The following DMD variants were observed in gnomAD, a reference collection of about 807,000 sequenced individuals.
The protein encoded by DMD is dystrophin.
In DMD, 63 loss-of-function variants were observed where a neutral mutation model predicts 330.1. The observed-to-expected ratio is 0.19, with a 90% confidence interval of 0.16 to 0.24. DMD has a LOEUF of 0.24. Ranked by LOEUF, DMD falls within the 10% of genes least tolerant of loss-of-function variation. The pLI is 1.00. For missense variants in DMD, 3,344 were observed against 2,684.1 expected (o/e 1.25, Z -5.43); for synonymous variants, 1,223 against 959.8 (o/e 1.27, Z -5.07).
intron 48 of DMD, among the ~76,000 whole-genome samples, chrX:31,874,832 C>G (rs1234060127): frequency 2.7e-5 from 3 of 111,101 alleles, no homozygotes; most frequent in Non-Finnish European, 5.7e-5. Flanking sequence ...TAAGATAACC[C>G]TGGCCTATCT....
Position 31,486,244 on chromosome X carries a change from A to G in DMD, c.8548-7141T>C, listed in dbSNP as rs188517740. Among the ~76,000 whole-genome samples the G allele has an allele frequency of 2.7e-5, 3 of 112,855 alleles. No homozygotes were observed. The East Asian group carries it at 8.3e-4, about 31-fold the overall frequency. On this transcript the variant is annotated intron_variant, in intron 57 of 78. Transcript: ENST00000357033. ...ATAGCTTGGCATATAGTAAATGCTCAGTAAACATTGTTGACTAAGATACAG... is the reference window on the plus strand; with the variant it reads ...ATAGCTTGGCATATAGTAAATGCTCGGTAAACATTGTTGACTAAGATACAG...
intron 2 of DMD, among the ~76,000 whole-genome samples, chrX:32,855,749 G>A (rs1007088818): frequency 7.2e-5 from 8 of 111,713 alleles, no homozygotes; most frequent in African/African-American, 1.3e-4. Flanking sequence ...CCAAGACACT[G>A]GTCTAGGCAA....
Position 33,270,410 on chromosome X carries a change from A to C in DMD, c.7+68849T>G, listed in dbSNP as rs766662156. The stretch of plus-strand genomic sequence containing the variant: ...AGACACACCTGAGACCACCCTAAAA[A>C]TCACCAGGGCTGAGAATAGGAGGCA... On this transcript the variant is annotated intron_variant, in intron 1 of 17. Transcript: ENST00000288447. Among the ~76,000 whole-genome samples, 3 of 111,417 alleles carry C rather than the reference A, an allele frequency of 2.7e-5. No individual in the cohort carries two copies. The South Asian group carries it at 1.1e-3, about 42-fold the overall frequency.
intron 55 of DMD, among the ~76,000 whole-genome samples, chrX:31,513,923 A>C (rs908556015): frequency 8.9e-6 from 1 of 111,942 alleles, no homozygotes; most frequent in East Asian, 2.8e-4. Context: ...ACAGCTAATA[A>C]ATGCAGCAAG....
At chrX:32,054,491 G>C (rs2096150196) in intron 44 of DMD, among the ~76,000 whole-genome samples, 1 of 109,073 alleles carries the variant, frequency 9.2e-6, no homozygotes, top group Non-Finnish European at 1.9e-5. Flanking sequence ...ATGGTTTCCA[G>C]ATTCATCCAT....
At chrX:32,545,604 G>A (rs1264308667) in intron 16 of DMD, among the ~76,000 whole-genome samples, 1 of 111,456 alleles carries the variant, frequency 9.0e-6, no homozygotes, top group Non-Finnish European at 1.9e-5. Context: ...AATAAGGGGT[G>A]GGGGCAGAGG....
chrX:32,476,815 G>T (rs1274128848), intron 21 of DMD, among the ~76,000 whole-genome samples: 1 of 111,659 alleles, frequency 9.0e-6, no homozygotes, highest in Non-Finnish European at 1.9e-5. Flanking sequence ...CTGCCCTTGT[G>T]ATCCCAACAT....
At chrX:32,655,105 T>A (rs1278351876) in intron 9 of DMD, among the ~76,000 whole-genome samples, 1 of 111,958 alleles carries the variant, frequency 8.9e-6, no homozygotes, top group African/African-American at 3.3e-5. Context: ...GATTCATTGA[T>A]TTTTTAAAGG....
intron 49 of DMD, among the ~76,000 whole-genome samples, chrX:31,826,675 C>A (rs2149449887): frequency 8.9e-6 from 1 of 112,067 alleles, no homozygotes; most frequent in East Asian, 2.8e-4. Flanking sequence ...TAACAATTTG[C>A]AATACATGTT....
At chrX:32,636,961 G>A (rs1320367139) in intron 11 of DMD, among the ~76,000 whole-genome samples, 3 of 109,495 alleles carry the variant, frequency 2.7e-5, no homozygotes, top group Non-Finnish European at 1.9e-5. Flanking sequence ...TAGCGCCACT[G>A]CACTCCAGCC....
At chrX:32,612,342 C>T (rs1384900902) in intron 12 of DMD, among the ~76,000 whole-genome samples, 4 of 111,814 alleles carry the variant, frequency 3.6e-5, no homozygotes, top group South Asian at 7.4e-4. Context: ...AAATACCCTC[C>T]GGTAGAGAGA....
intron 45 of DMD, among the ~76,000 whole-genome samples, chrX:31,943,052 G>T (rs2095028328): frequency 8.9e-6 from 1 of 112,050 alleles, no homozygotes; most frequent in African/African-American, 3.2e-5. Context: ...ACCTGTTTTT[G>T]TAAATAAAGT....
chrX:31,576,439 T>G (rs1027018098), intron 55 of DMD, among the ~76,000 whole-genome samples: 1 of 110,787 alleles, frequency 9.0e-6, no homozygotes, highest in Non-Finnish European at 1.9e-5. Context: ...AATTACTTTT[T>G]TTTTTTTTTA....
chrX:33,201,438 T>C (rs2051261824), intron 1 of DMD, among the ~76,000 whole-genome samples: 1 of 111,439 alleles, frequency 9.0e-6, no homozygotes, highest in Admixed American at 9.6e-5. Context: ...AAACTCAGTA[T>C]TATTTCTAAT....
intron 63 of DMD, among the ~76,000 whole-genome samples, chrX:31,255,536 A>C (rs2049850568): frequency 9.0e-6 from 1 of 111,409 alleles, no homozygotes; most frequent in African/African-American, 3.3e-5. Flanking sequence ...TGCCTCACTC[A>C]GCCTGTAAGA....
intron 63 of DMD, among the ~76,000 whole-genome samples, chrX:31,224,550 G>A (rs771087364): frequency 2.7e-5 from 3 of 112,147 alleles, no homozygotes; most frequent in Admixed American, 9.5e-5. Context: ...TGCTTGTTGG[G>A]AATGTACGAC....
At chrX:32,006,793 A>G (rs1448933509) in intron 44 of DMD, among the ~76,000 whole-genome samples, 2 of 110,073 alleles carry the variant, frequency 1.8e-5, no homozygotes, top group African/African-American at 6.6e-5. Context: ...CACTATTCAC[A>G]ATAGCAAAGA....
chrX:32,155,840 G>T (rs1002397887), intron 44 of DMD, among the ~76,000 whole-genome samples: 2 of 111,176 alleles, frequency 1.8e-5, no homozygotes, highest in African/African-American at 6.5e-5. Context: ...AATATTAAAT[G>T]CTCAATTGAT....
chrX:32,932,359 G>A (rs894640343), intron 2 of DMD, among the ~76,000 whole-genome samples: 2 of 112,016 alleles, frequency 1.8e-5, no homozygotes, highest in African/African-American at 3.2e-5. Flanking sequence ...AAGTAATAGC[G>A]ATGTGTGTCA....
Sources: gnomAD v4.1 joint callset for allele counts (sites outside exome capture counted in the v4.1 genomes callset) on GRCh38, gnomAD v4.1.1 for gene constraint, MANE v1.5 for transcripts, NCBI Gene and HGNC (gene_info 2026-07-23, HGNC 2026-07-21) for gene names.